The following MCPH1 variants were observed in gnomAD, a reference collection of about 807,000 sequenced individuals.
The protein encoded by MCPH1 is microcephalin.
In MCPH1, 104 loss-of-function variants were observed where a neutral mutation model predicts 84.5. The observed-to-expected ratio is 1.23, with a 90% confidence interval of 1.05 to 1.45. The LOEUF (loss-of-function observed/expected upper bound fraction) is 1.45, where lower values mean the gene tolerates loss of function less well. Ranked by LOEUF, MCPH1 falls within the 40% of genes most tolerant of loss-of-function variation. MCPH1 has a pLI of 0.00. For synonymous variants in MCPH1, 514 were observed against 366.8 expected (o/e 1.40, Z -4.58); for missense variants, 1,498 against 1,005.7 (o/e 1.49, Z -6.62).
At chr8:6,535,420 A>C (rs1820300829) in intron 12 of MCPH1, among the ~76,000 whole-genome samples, 1 of 152,230 alleles carries the variant, frequency 6.6e-6, no homozygotes, top group African/African-American at 2.4e-5. Context: ...TAAACATAAA[A>C]ACAATAGAAT....
chr8:6,540,481 G>A (rs543648016), intron 12 of MCPH1, among the ~76,000 whole-genome samples: 37 of 152,328 alleles, frequency 2.4e-4, no homozygotes, highest in South Asian at 1.4e-3. Context: ...TAGGGCACAT[G>A]TATATTTACC....
chr8:6,511,597 C>G (rs114441052), intron 12 of MCPH1, among the ~76,000 whole-genome samples: 3 of 152,286 alleles, frequency 2.0e-5, no homozygotes, highest in Non-Finnish European at 4.4e-5. Context: ...CGTCTCAAAG[C>G]ATTTGCAGTT....
intron 13 of MCPH1, among the ~76,000 whole-genome samples, chr8:6,642,389 T>C: frequency 6.6e-6 from 1 of 152,188 alleles, no homozygotes; most frequent in East Asian, 1.9e-4. Flanking sequence ...TGCAGCGCTA[T>C]CCTGGGCCAG....
chr8:6,594,140 T>C (rs2129577842), intron 12 of MCPH1, among the ~76,000 whole-genome samples: 1 of 152,364 alleles, frequency 6.6e-6, no homozygotes, highest in Admixed American at 6.5e-5. Flanking sequence ...AGCAGGGGTG[T>C]GGCTGCAGGG....
At chr8:6,531,591 C>T (rs1259562218) in intron 12 of MCPH1, among the ~76,000 whole-genome samples, 5 of 152,292 alleles carry the variant, frequency 3.3e-5, no homozygotes, top group Admixed American at 3.3e-4. Context: ...TGCGCCTGGC[C>T]ACTAGTTGAC....
chr8:6,407,247 A>G (rs761482136), intron 1 of MCPH1: 12 of 160,782 alleles, frequency 7.5e-5, no homozygotes, highest in East Asian at 1.9e-4. Context: ...AATTGTTCCA[A>G]TAATAGGAGC....
intron 9 of MCPH1, among the ~76,000 whole-genome samples, chr8:6,456,498 C>G (rs1393612292): frequency 6.6e-6 from 1 of 152,206 alleles, no homozygotes; most frequent in Non-Finnish European, 1.5e-5. Flanking sequence ...TTTGCATCTA[C>G]TACCGTTCCC....
chr8:6,513,139 A>G (rs540077644), intron 12 of MCPH1, among the ~76,000 whole-genome samples: 1 of 152,310 alleles, frequency 6.6e-6, no homozygotes, highest in South Asian at 2.1e-4. Context: ...TAGGCTTTGA[A>G]GATACACAGT....
Position 6,552,596 on chromosome 8 carries a change from A to G in MCPH1, c.2214+52667A>G, listed in dbSNP as rs149056428. Among the ~76,000 whole-genome samples the G allele has an allele frequency of 4.5e-3, 681 of 152,316 alleles. 6 individuals are homozygous for G. Among genetic ancestry groups the G allele is most frequent in the African/African-American group, 0.015 (644 of 41,578 alleles). On this transcript the variant is annotated intron_variant, in intron 12 of 13. Transcript: ENST00000344683. Reference sequence around the variant, plus strand: ...TGATAAGTGTCTTTCTGGTGTTCCTATTAAAATTCATTATAATTACCGTTC... The same window carrying G: ...TGATAAGTGTCTTTCTGGTGTTCCTGTTAAAATTCATTATAATTACCGTTC...
intron 13 of MCPH1, chr8:6,626,082 G>C: frequency 1.0e-6 from 1 of 985,352 alleles, no homozygotes; most frequent in Non-Finnish European, 1.2e-6. Flanking sequence ...TGCCTCTCAA[G>C]ACCAACAACT....
At chr8:6,417,486 A>G (rs139175181) in intron 3 of MCPH1, among the ~76,000 whole-genome samples, 45 of 152,282 alleles carry the variant, frequency 3.0e-4, no homozygotes, top group African/African-American at 1.1e-3. Flanking sequence ...GCATTTGTCC[A>G]TAGTGCTCTC....
chr8:6,607,841 C>A (rs191058774), intron 12 of MCPH1, among the ~76,000 whole-genome samples: 3 of 152,354 alleles, frequency 2.0e-5, no homozygotes, highest in Admixed American at 6.5e-5. Context: ...CATTAAACTT[C>A]TTTCTCTTTA....
intron 9 of MCPH1, among the ~76,000 whole-genome samples, chr8:6,472,528 C>T (rs1284984156): frequency 2.0e-5 from 3 of 152,034 alleles, no homozygotes; most frequent in Non-Finnish European, 4.4e-5. Context: ...TGCATTGGCC[C>T]GATCTTAGCT....
chr8:6,543,510 C>G (rs931839192), intron 12 of MCPH1, among the ~76,000 whole-genome samples: 1 of 152,144 alleles, frequency 6.6e-6, no homozygotes, highest in African/African-American at 2.4e-5. Flanking sequence ...TGGGGAGCAT[C>G]CAGCTCCCAT....
chr8:6,447,061 A>G, intron 8 of MCPH1: 1 of 985,452 alleles, frequency 1.0e-6, no homozygotes, highest in South Asian at 4.7e-5. Context: ...CGCTAGTGCG[A>G]GAGGATCTTC....
chr8:6,591,546 T>C (rs982012575), intron 12 of MCPH1, among the ~76,000 whole-genome samples: 1 of 152,256 alleles, frequency 6.6e-6, no homozygotes, highest in African/African-American at 2.4e-5. Flanking sequence ...CTGAATGTCC[T>C]GAAATGCAAG....
intron 12 of MCPH1, chr8:6,500,863 A>C (rs1021987975): frequency 1.3e-5 from 2 of 152,194 alleles, no homozygotes; most frequent in African/African-American, 4.8e-5. Flanking sequence ...TTTGTCCTTG[A>C]ATTTTTTATC....
chr8:6,434,619 G>A (rs139074471), intron 4 of MCPH1, among the ~76,000 whole-genome samples: 3 of 152,292 alleles, frequency 2.0e-5, no homozygotes, highest in Non-Finnish European at 2.9e-5. Flanking sequence ...CAAGACCAGC[G>A]CCTGACATAA....
At chr8:6,500,266 A>T (rs1054937310) in intron 12 of MCPH1, 6 of 315,548 alleles carry the variant, frequency 1.9e-5, no homozygotes, top group African/African-American at 1.3e-4. Context: ...ATAGAAATAG[A>T]ACTGATAGGT....
Sources: gnomAD v4.1 joint callset for allele counts (sites outside exome capture counted in the v4.1 genomes callset) on GRCh38, gnomAD v4.1.1 for gene constraint, MANE v1.5 for transcripts, NCBI Gene and HGNC (gene_info 2026-07-23, HGNC 2026-07-21) for gene names.